Variants in SEC61A1 observed in about 807,000 individuals in gnomAD.
SEC61A1 encodes SEC61 translocon subunit alpha 1, also known as protein transport protein Sec61 subunit alpha isoform 1.
A neutral mutation model predicts 55.2 loss-of-function variants in SEC61A1; 15 were observed. The ratio of observed to expected loss-of-function variants is 0.27; its 90% confidence interval spans 0.18 to 0.42. SEC61A1 has a LOEUF of 0.42. Ranked by LOEUF, SEC61A1 falls within the 10% of genes least tolerant of loss-of-function variation. SEC61A1 has a pLI of 1.00. For missense variants in SEC61A1, 284 were observed against 602.6 expected (o/e 0.47, Z 5.53); for synonymous variants, 247 against 234.0 (o/e 1.06, Z -0.51).
At chr3:128,061,165 GCTGTTCCTGTTAGTCATAC>G (rs1341114528) in intron 7 of SEC61A1, among the ~76,000 whole-genome samples, 2 of 152,220 alleles carry the variant, frequency 1.3e-5, no homozygotes, top group Non-Finnish European at 2.9e-5. Flanking sequence ...TCAAATCCTG[GCTGTTCCTGTTAGTCATAC>G]ATACGTGGCT....
chr3:128,054,506 C>T (rs888164215), intron 2 of SEC61A1, among the ~76,000 whole-genome samples: 8 of 152,204 alleles, frequency 5.3e-5, no homozygotes, highest in Non-Finnish European at 1.0e-4. Flanking sequence ...CACTGATTCA[C>T]CCACTGTTGT....
At chr3:128,052,013 G>A (rs538637558), upstream of SEC61A1, 10 of 884,346 alleles carry the variant, frequency 1.1e-5, no homozygotes, top group South Asian at 1.0e-4. Context: ...GCTCCAGGGA[G>A]CTTACGGTCT....
intron 7 of SEC61A1, among the ~76,000 whole-genome samples, chr3:128,064,525 G>C (rs1941903652): frequency 6.6e-6 from 1 of 152,132 alleles, no homozygotes; most frequent in East Asian, 1.9e-4. Flanking sequence ...CATGCCTATA[G>C]TCCCAGCTAT....
chr3:128,062,351 A>G (rs1269185161), intron 7 of SEC61A1, among the ~76,000 whole-genome samples: 1 of 152,248 alleles, frequency 6.6e-6, no homozygotes, highest in African/African-American at 2.4e-5. Flanking sequence ...GAGATGTTGC[A>G]GCTTGGCTTG....
chr3:128,065,803 C>T (rs1322438274), intron 8 of SEC61A1, among the ~76,000 whole-genome samples: 1 of 139,336 alleles, frequency 7.2e-6, no homozygotes, highest in Non-Finnish European at 1.5e-5. Context: ...GTGGCGCGAT[C>T]TCGACTCGAC....
chr3:128,060,175 A>G lies in SEC61A1; in HGVS notation c.426A>G (p.Glu142=). The G allele has an allele frequency of 6.2e-7, 1 of 1,614,010 alleles. No homozygotes were observed. The highest frequency in any genetic ancestry group is 8.5e-7 in the Non-Finnish European group (1 of 1,179,882). ...CCGGGATGTATGGGGACCCTTCTGA[A>G]ATGGGTGCTGGAATTTGCCTGCTAA... ...VMTGMYGDPS[E]MGAGICLLIT... is the part of the protein sequence containing the mutation. The change falls in exon 6 of 12, where the codon GAA becomes GAG. Residue 142 remains glutamate (E), a synonymous_variant. Coordinates refer to ENST00000243253, the MANE Select transcript of SEC61A1 (RefSeq NM_013336.4).
chr3:128,056,183 T>C (rs912578887), intron 4 of SEC61A1, among the ~76,000 whole-genome samples: 11 of 152,234 alleles, frequency 7.2e-5, no homozygotes, highest in African/African-American at 1.9e-4. Flanking sequence ...CAGTTACTTA[T>C]GGGACTGGGG....
chr3:128,062,539 C>G (rs920029954), intron 7 of SEC61A1, among the ~76,000 whole-genome samples: 5 of 152,222 alleles, frequency 3.3e-5, no homozygotes, highest in African/African-American at 9.6e-5. Flanking sequence ...TGACGAAAGA[C>G]CGCCACAGGG....
upstream of SEC61A1, chr3:128,051,675 C>T (rs1430900852): frequency 6.9e-7 from 1 of 1,439,008 alleles, no homozygotes. Flanking sequence ...CAACAGTCTC[C>T]TCAACCTGTT....
At chr3:128,053,149 C>T (rs569621170) in intron 2 of SEC61A1, among the ~76,000 whole-genome samples, 1 of 152,258 alleles carries the variant, frequency 6.6e-6, no homozygotes, top group East Asian at 1.9e-4. Flanking sequence ...AGAACAAAGC[C>T]TCCGGTTGCC....
chr3:128,052,146 C>G (rs764256783), upstream of SEC61A1, among the ~76,000 whole-genome samples: 262 of 152,090 alleles, frequency 1.7e-3, no homozygotes, highest in Non-Finnish European at 1.6e-3. Context: ...CTCCGTGAGG[C>G]CGCACAGCCC....
chr3:128,066,917 G>A, intron 8 of SEC61A1, 37 bp from the exon 9 acceptor site: 1 of 1,604,934 alleles, frequency 6.2e-7, no homozygotes, highest in Non-Finnish European at 8.5e-7. Flanking sequence ...GCTGAAATGA[G>A]GCAGTGAAGG....
rs1264880359 is a variant in SEC61A1, at chr3:128,064,903, G to C, written c.643G>C (p.Ala215Pro). 1 of 1,611,162 alleles carries C rather than the reference G, an allele frequency of 6.2e-7. No homozygotes were observed. ...AATGGAATTTGAAGGTGCTATCATC[G>C]CACTTTTCCATCTGCTGGCCACACG... ...RGMEFEGAII[A>P]LFHLLATRTD... The change falls in exon 8 of 12, where the codon GCA (alanine) becomes CCA (proline). Residue 215 changes from alanine (A) to proline (P), a missense_variant. Ala to Pro is a conservative substitution (Grantham distance 27, BLOSUM62 -1). Transcript: ENST00000243253.
chr3:128,069,157 T>TATC (rs1370412271), intron 11 of SEC61A1, among the ~76,000 whole-genome samples: 1 of 152,238 alleles, frequency 6.6e-6, no homozygotes, highest in Non-Finnish European at 1.5e-5. Flanking sequence ...ATATCCAAAG[T>TATC]ATCATTTCAA....
rs758640768 is a variant in SEC61A1 at position 128,065,732 on chromosome 3, A to ATTTTTTT, written c.777+711_777+717dup. Among the ~76,000 whole-genome samples, 418 of 97,488 alleles carry ATTTTTTT rather than the reference A, an allele frequency of 4.3e-3. 26 individuals carry two copies. Among genetic ancestry groups the ATTTTTTT allele is most frequent in the African/African-American group, 0.012 (290 of 24,130 alleles). 64.0% of individuals were successfully genotyped at this position (97,488 alleles called of 152,430 possible). A position where few individuals can be genotyped will look rare whatever the true frequency, so the allele number is the denominator to read the frequency against. ...AGAATTTGCAGTCAGATCATTAAGA[A>ATTTTTTT]TTTTTTTTTTTTTTTTTTTTTTGAG... On this transcript the variant is annotated intron_variant, in intron 8 of 11. Transcript: ENST00000243253.
At position 128,068,008 on chromosome 3, in the gene SEC61A1, A is replaced by G. The variant is rs968211803; in HGVS notation, c.1193A>G (p.Gln398Arg). ...GTTGCAAAGCAGCTGAAGGAGCAGC[A>G]GATGGTGATGAGAGGCCACCGAGAG... ...KDVAKQLKEQQMVMRGHRETS... is the reference protein window; with the variant it reads ...KDVAKQLKEQRMVMRGHRETS... The change falls in exon 11 of 12, where the codon CAG becomes CGG. Residue 398 changes from glutamine (Q) to arginine (R), a missense_variant. Transcript: ENST00000243253. The G allele has an allele frequency of 6.2e-7, 1 of 1,611,484 alleles. No homozygotes were observed. The highest frequency in any genetic ancestry group is 8.5e-7 in the Non-Finnish European group (1 of 1,178,908).
At chr3:128,066,681 C>A in intron 8 of SEC61A1, 1 of 458,668 alleles carries the variant, frequency 2.2e-6, no homozygotes. Context: ...ACCTCGGCCT[C>A]CCAAAGTGCT....
Position 128,055,653 on chromosome 3 carries a change from T to C in SEC61A1, c.142-20T>C, listed in dbSNP as rs1415802910. Reference sequence around the variant, plus strand: ...CTGGAAACAGGAGTGCTGACTGTTTTGCTCTTTGCCTGTTCCCAGATTCCC... The same window carrying C: ...CTGGAAACAGGAGTGCTGACTGTTTCGCTCTTTGCCTGTTCCCAGATTCCC... On this transcript the variant is annotated intron_variant, in intron 3 of 11. Transcript: ENST00000243253. The C allele has an allele frequency of 1.9e-6, 3 of 1,612,072 alleles. No individual in the cohort carries two copies. Among genetic ancestry groups the C allele is most frequent in the African/African-American group, 2.7e-5 (2 of 74,910 alleles).
Position 128,067,828 on chromosome 3 carries a change from C to T in SEC61A1, c.1168-155C>T, listed in dbSNP as rs1351068951. 1 of 725,266 alleles carries T rather than the reference C, an allele frequency of 1.4e-6. No individual in the cohort carries two copies. Among genetic ancestry groups the T allele is most frequent in the Admixed American group, 2.3e-5 (1 of 43,004 alleles). 44.9% of individuals were successfully genotyped at this position (725,266 alleles called of 1,614,324 possible). A position where few individuals can be genotyped will look rare whatever the true frequency, so the allele number is the denominator to read the frequency against. ...TCTGAATCCACACTGTAAAGTTAGA[C>T]TTTTTCATATGACTTCCTTGCGGCA... On this transcript the variant is annotated intron_variant, in intron 10 of 11. Coordinates refer to ENST00000243253, the MANE Select transcript of SEC61A1 (RefSeq NM_013336.4). This position sits in a 1 kb window ranked among gnomAD's most constrained non-coding sequence, Gnocchi z 4.1.
Sources: allele counts gnomAD v4.1 joint callset (sites outside exome capture counted in the v4.1 genomes callset), GRCh38; gene constraint gnomAD v4.1.1; non-coding constraint Gnocchi (gnomAD v3.1); transcripts MANE v1.5; gene names NCBI Gene and HGNC (gene_info 2026-07-23, HGNC 2026-07-21).